The following GSDMC variants were observed in gnomAD, a reference collection of about 807,000 sequenced individuals.
GSDMC encodes the protein gasdermin C.
Under a neutral mutation model 58.0 loss-of-function variants are expected in GSDMC, and 59 were observed. The observed-to-expected ratio is 1.02, with a 90% confidence interval of 0.82 to 1.26. The LOEUF (loss-of-function observed/expected upper bound fraction) is 1.26. GSDMC is among the 50% of genes most tolerant of loss of function. The pLI, the probability that GSDMC is intolerant of heterozygous loss-of-function variation, is 0.00. For synonymous variants in GSDMC, 241 were observed against 220.2 expected, an observed-to-expected ratio of 1.09 and a Z score of -0.83; for missense variants, 659 against 598.5, an observed-to-expected ratio of 1.10 and a Z score of -1.06.
chr8:129,756,475 T>C (rs1209415318), intron 6 of GSDMC, among the ~76,000 whole-genome samples: 1 of 152,086 alleles, frequency 6.6e-6, no homozygotes, highest in East Asian at 1.9e-4. Flanking sequence ...AACACCCTAC[T>C]TTCAGCACTG....
chr8:129,778,445 T>A (rs146050395), intron 1 of GSDMC, among the ~76,000 whole-genome samples: 2,167 of 152,168 alleles, frequency 0.014, 60 homozygotes, highest in African/African-American at 0.049. Context: ...TACACCATAT[T>A]CAAAAATCAA....
intron 3 of GSDMC, among the ~76,000 whole-genome samples, chr8:129,769,179 AT>A (rs1333820779): frequency 2.0e-5 from 3 of 152,126 alleles, no homozygotes; most frequent in Non-Finnish European, 2.9e-5. Flanking sequence ...GACACTAAAA[AT>A]TTCCCAAATA....
chr8:129,738,074 C>T, the GSDMC span, among the ~76,000 whole-genome samples: 4 of 152,226 alleles, frequency 2.6e-5, no homozygotes, highest in African/African-American at 9.6e-5. Context: ...AAATGCTCAT[C>T]ATCACTGGCC....
the GSDMC span, among the ~76,000 whole-genome samples, chr8:129,710,433 T>A: frequency 1.3e-5 from 2 of 152,218 alleles, no homozygotes; most frequent in Admixed American, 6.5e-5. Context: ...TGTGTTCACA[T>A]GGTCGTCACC....
chr8:129,748,892 C>G (rs926300205), intron 13 of GSDMC, 152 bp from the exon 14 acceptor site: 1 of 530,310 alleles, frequency 1.9e-6, no homozygotes, highest in South Asian at 4.6e-5. Context: ...TCATACCCTA[C>G]GATCCAAAGA....
intron 4 of GSDMC, among the ~76,000 whole-genome samples, chr8:129,764,983 C>T (rs1205864241): frequency 3.3e-5 from 5 of 152,104 alleles, no homozygotes; most frequent in Non-Finnish European, 5.9e-5. Context: ...GTACACATAT[C>T]GGGTTTCTTC....
At chr8:129,776,718 G>A (rs1293158846) in intron 2 of GSDMC, among the ~76,000 whole-genome samples, 1 of 148,238 alleles carries the variant, frequency 6.7e-6, no homozygotes, top group Non-Finnish European at 1.5e-5. Context: ...GGACATAACT[G>A]TTTTTTTGTT....
downstream of GSDMC, among the ~76,000 whole-genome samples, chr8:129,745,980 T>C (rs1028973431): frequency 3.3e-5 from 5 of 150,126 alleles, no homozygotes; most frequent in Non-Finnish European, 7.4e-5. Context: ...TCTCATTTAA[T>C]TGATAAAAGA....
chr8:129,719,141 C>T, the GSDMC span, among the ~76,000 whole-genome samples: 6 of 152,044 alleles, frequency 3.9e-5, no homozygotes, highest in Non-Finnish European at 7.4e-5. Flanking sequence ...ATGTAACAAA[C>T]CTGCATGTTC....
chr8:129,728,885 C>T, the GSDMC span: 7 of 654,032 alleles, frequency 1.1e-5, no homozygotes, highest in African/African-American at 3.5e-5. Flanking sequence ...TGTGGACCTT[C>T]CTCAAGCACC....
the GSDMC span, among the ~76,000 whole-genome samples, chr8:129,719,432 T>A: frequency 6.6e-6 from 1 of 152,202 alleles, no homozygotes; most frequent in African/African-American, 2.4e-5. Flanking sequence ...TGGTGTAAGA[T>A]TTCAATATCA....
chr8:129,740,190 T>A, the GSDMC span, among the ~76,000 whole-genome samples: 1 of 152,150 alleles, frequency 6.6e-6, no homozygotes, highest in Non-Finnish European at 1.5e-5. Context: ...TGCAAAAAAA[T>A]AAAAAGTTTA....
At chr8:129,779,371 T>C (rs2034344123) in intron 1 of GSDMC, among the ~76,000 whole-genome samples, 1 of 152,078 alleles carries the variant, frequency 6.6e-6, no homozygotes, top group Admixed American at 6.6e-5. Flanking sequence ...AAATACCACA[T>C]GTTTTCACTT....
At chr8:129,729,939 C>T in the GSDMC span, 42 of 1,492,730 alleles carry the variant, frequency 2.8e-5, no homozygotes, top group African/African-American at 1.2e-4. Context: ...CAACACTAAG[C>T]GAGCCAGTGG....
the GSDMC span, chr8:129,729,723 G>T: frequency 8.2e-5 from 45 of 546,962 alleles, no homozygotes; most frequent in Non-Finnish European, 1.0e-4. Context: ...ATGGACATTT[G>T]GGTTGGTTCC....
chr8:129,741,312 T>C, the GSDMC span, among the ~76,000 whole-genome samples: 4 of 152,130 alleles, frequency 2.6e-5, no homozygotes, highest in African/African-American at 9.7e-5. Flanking sequence ...AACTCAAAAT[T>C]GTTTGGCTAT....
chr8:129,766,205 A>G (rs1367080061), intron 3 of GSDMC, among the ~76,000 whole-genome samples: 1 of 152,210 alleles, frequency 6.6e-6, no homozygotes, highest in Non-Finnish European at 1.5e-5. Flanking sequence ...AATTAGCACA[A>G]TCAGGGTGGG....
chr8:129,755,349 C>T (rs1193375248), intron 6 of GSDMC, among the ~76,000 whole-genome samples: 1 of 152,046 alleles, frequency 6.6e-6, no homozygotes, highest in Non-Finnish European at 1.5e-5. Context: ...AACCTTTTAT[C>T]CTAGAAGAGT....
At chr8:129,712,144 G>C in the GSDMC span, among the ~76,000 whole-genome samples, 1 of 152,140 alleles carries the variant, frequency 6.6e-6, no homozygotes, top group East Asian at 1.9e-4. Context: ...ATAATACCTA[G>C]TTCATAGGCT....
Sources: allele counts gnomAD v4.1 joint callset (sites outside exome capture counted in the v4.1 genomes callset), GRCh38; gene constraint gnomAD v4.1.1; transcripts MANE v1.5; gene names NCBI Gene and HGNC (gene_info 2026-07-23, HGNC 2026-07-21).